PALLD: variants seen among roughly 807,000 people sequenced by gnomAD.
The protein encoded by PALLD is palladin, cytoskeletal associated protein.
A neutral mutation model predicts 123.5 loss-of-function variants in PALLD; 61 were observed. The observed-to-expected ratio is 0.49, with a 90% CI of 0.40 to 0.61. The LOEUF (loss-of-function observed/expected upper bound fraction) is 0.61. Among genes scored for constraint, PALLD ranks in the 20% least tolerant of loss-of-function variants. The pLI is 0.00. For synonymous variants in PALLD, 465 were observed against 496.4 expected (o/e 0.94, Z 0.84); for missense variants, 1,273 against 1,377.0 (o/e 0.92, Z 1.20).
At position 168,540,378 on chromosome 4, in the gene PALLD, G is replaced by A. The variant is rs139813395; in HGVS notation, c.908+27966G>A. ...GATTTGTGCCTGTTACAGTCATTGT[G>A]TCTTTCTCTAGGCTTCTTTCTGTTT... On this transcript the variant is annotated intron_variant, in intron 2 of 21. Coordinates refer to ENST00000505667, the MANE Select transcript of PALLD (RefSeq NM_001166108.2). Among the ~76,000 whole-genome samples, 547 of 152,292 alleles carry A rather than the reference G, an allele frequency of 3.6e-3. 2 individuals carry two copies. Among genetic ancestry groups the A allele is most frequent in the Non-Finnish European group, 5.2e-3 (353 of 68,036 alleles).
At chr4:168,774,400 T>G (rs1734878001) in intron 10 of PALLD, among the ~76,000 whole-genome samples, 1 of 152,156 alleles carries the variant, frequency 6.6e-6, no homozygotes, top group Admixed American at 6.5e-5. Context: ...TTTTGACATA[T>G]GTACATGCCC....
At chr4:168,816,413 A>ATATATATATTTT (rs34003798) in intron 10 of PALLD, among the ~76,000 whole-genome samples, 1 of 136,002 alleles carries the variant, frequency 7.4e-6, no homozygotes. Context: ...ATATATATAT[A>ATATATATATTTT]TTTTTTTTAA....
chr4:168,826,997 C>T (rs946456189), intron 10 of PALLD, among the ~76,000 whole-genome samples: 1 of 152,216 alleles, frequency 6.6e-6, no homozygotes, highest in Admixed American at 6.5e-5. Flanking sequence ...ACCTCACTCT[C>T]ATAAGCTCAG....
chr4:168,877,873 G>A, intron 10 of PALLD: 2 of 1,423,316 alleles, frequency 1.4e-6, no homozygotes, highest in Admixed American at 2.5e-5. Context: ...CCTGCACGCC[G>A]CCCGCGTCCC....
At chr4:168,913,159 CAG>C (rs1393796882) in intron 15 of PALLD, among the ~76,000 whole-genome samples, 5 of 135,930 alleles carry the variant, frequency 3.7e-5, no homozygotes, top group African/African-American at 1.1e-4. Flanking sequence ...TTTTTTGAGA[CAG>C]AGTCTTGCTC....
intron 8 of PALLD, among the ~76,000 whole-genome samples, chr4:168,704,465 A>G (rs1298962834): frequency 1.3e-5 from 2 of 152,036 alleles, no homozygotes; most frequent in African/African-American, 4.8e-5. Context: ...AGGTGAGGAG[A>G]TCCAGACCAT....
chr4:168,827,322 G>A (rs1253510807), intron 10 of PALLD, among the ~76,000 whole-genome samples: 1 of 152,196 alleles, frequency 6.6e-6, no homozygotes, highest in Middle Eastern at 3.2e-3. Flanking sequence ...ATCAGATAAT[G>A]CATGAGGCTG....
chr4:168,762,146 G>A lies in PALLD; in HGVS notation c.1964+50223G>A, dbSNP rs372896330. Reference sequence around the variant, plus strand: ...TGTGATAATTGCAAGCATTTATTGAGCATTTACACATTACTGAACTTAAAA... The same window carrying A: ...TGTGATAATTGCAAGCATTTATTGAACATTTACACATTACTGAACTTAAAA... On this transcript the variant is annotated intron_variant, in intron 10 of 21. Coordinates refer to ENST00000505667, the MANE Select transcript of PALLD (RefSeq NM_001166108.2). Among the ~76,000 whole-genome samples, 221 of 151,870 alleles carry A rather than the reference G, an allele frequency of 1.5e-3. 5 individuals are homozygous for A. The South Asian group carries it at 0.043, about 29-fold the overall frequency.
chr4:168,553,407 G>A (rs1450362962), intron 2 of PALLD, among the ~76,000 whole-genome samples: 1 of 152,202 alleles, frequency 6.6e-6, no homozygotes, highest in Non-Finnish European at 1.5e-5. Context: ...AGTCATTAAT[G>A]CAAGTGCTAC....
chr4:168,517,797 A>G (rs144159849), intron 2 of PALLD, among the ~76,000 whole-genome samples: 120 of 152,334 alleles, frequency 7.9e-4, no homozygotes, highest in African/African-American at 2.8e-3. Flanking sequence ...TAAAGAATAT[A>G]GTCAGCAATG....
intron 2 of PALLD, among the ~76,000 whole-genome samples, chr4:168,583,608 A>C (rs1304940544): frequency 6.6e-6 from 1 of 152,152 alleles, no homozygotes. Flanking sequence ...TGCACCAATC[A>C]GTTTGATGGA....
intron 10 of PALLD, among the ~76,000 whole-genome samples, chr4:168,833,133 T>C (rs1329622940): frequency 6.6e-6 from 1 of 152,188 alleles, no homozygotes; most frequent in Non-Finnish European, 1.5e-5. Flanking sequence ...GGGGCAGCTC[T>C]GTCCCGAATG....
chr4:168,735,084 C>G (rs920172460), intron 10 of PALLD, among the ~76,000 whole-genome samples: 1 of 152,174 alleles, frequency 6.6e-6, no homozygotes. Flanking sequence ...AAAGATTGAG[C>G]CTGTTATTCA....
chr4:168,521,685 A>T (rs923655641), intron 2 of PALLD, among the ~76,000 whole-genome samples: 1 of 152,226 alleles, frequency 6.6e-6, no homozygotes, highest in African/African-American at 2.4e-5. Flanking sequence ...ACAATGGTAT[A>T]GAGCCTATGG....
At chr4:168,607,961 G>C (rs779000592) in intron 2 of PALLD, among the ~76,000 whole-genome samples, 2 of 152,180 alleles carry the variant, frequency 1.3e-5, no homozygotes, top group Admixed American at 1.3e-4. Context: ...ATCTTACTCT[G>C]TTCCTGCAGT....
chr4:168,564,256 G>A (rs1450333227), intron 2 of PALLD, among the ~76,000 whole-genome samples: 1 of 152,188 alleles, frequency 6.6e-6, no homozygotes, highest in Non-Finnish European at 1.5e-5. Context: ...TCTTAGAGGC[G>A]AGGTGAGGTT....
chr4:168,546,546 T>C (rs1412123334), intron 2 of PALLD, among the ~76,000 whole-genome samples: 1 of 152,130 alleles, frequency 6.6e-6, no homozygotes, highest in Non-Finnish European at 1.5e-5. Flanking sequence ...AACTTGAAGA[T>C]GGATCTTAGA....
At chr4:168,814,533 G>A (rs1330201503) in intron 10 of PALLD, among the ~76,000 whole-genome samples, 2 of 152,258 alleles carry the variant, frequency 1.3e-5, no homozygotes, top group African/African-American at 4.8e-5. Flanking sequence ...TGGAAAATAA[G>A]GTTCATAGGA....
chr4:168,545,868 A>G (rs1423824777), intron 2 of PALLD, among the ~76,000 whole-genome samples: 1 of 152,194 alleles, frequency 6.6e-6, no homozygotes, highest in African/African-American at 2.4e-5. Context: ...TTATGATGGG[A>G]AAGGTGGAAT....
Sources: gnomAD v4.1 joint callset for allele counts (sites outside exome capture counted in the v4.1 genomes callset) on GRCh38, gnomAD v4.1.1 for gene constraint, MANE v1.5 for transcripts, NCBI Gene and HGNC (gene_info 2026-07-23, HGNC 2026-07-21) for gene names.